The following RIT2 variants were observed in gnomAD, a reference collection of about 807,000 sequenced individuals.
The protein encoded by RIT2 is GTP-binding protein Rit2.
Under a neutral mutation model 23.7 loss-of-function variants are expected in RIT2, and 24 were observed. That is an observed-to-expected ratio of 1.01 (90% CI 0.73 to 1.43). The LOEUF (loss-of-function observed/expected upper bound fraction) is 1.43, where lower values mean the gene tolerates loss of function less well. RIT2 is among the 40% of genes most tolerant of loss of function. The pLI, the probability that RIT2 is intolerant of heterozygous loss-of-function variation, is 0.00. For synonymous variants in RIT2, 107 were observed against 91.1 expected, an observed-to-expected ratio of 1.17 and a Z score of -0.99; for missense variants, 236 against 266.9, an observed-to-expected ratio of 0.88 and a Z score of 0.81.
intron 4 of RIT2, among the ~76,000 whole-genome samples, chr18:42,848,540 A>T (rs1906968088): frequency 6.6e-6 from 1 of 152,194 alleles, no homozygotes; most frequent in Non-Finnish European, 1.5e-5. Flanking sequence ...TTGTATATGT[A>T]TTTATTCCAT....
intron 4 of RIT2, among the ~76,000 whole-genome samples, chr18:42,791,244 T>A (rs1406705394): frequency 6.6e-6 from 1 of 152,218 alleles, no homozygotes; most frequent in Non-Finnish European, 1.5e-5. Flanking sequence ...TTTTCAGCTG[T>A]CTACACCAAC....
intron 4 of RIT2, among the ~76,000 whole-genome samples, chr18:42,765,648 C>A (rs1489951188): frequency 1.3e-5 from 2 of 152,142 alleles, no homozygotes; most frequent in Non-Finnish European, 2.9e-5. Context: ...TGACCTCTAG[C>A]CTTAGACTAA....
intron 2 of RIT2, among the ~76,000 whole-genome samples, chr18:43,025,243 A>C (rs192989215): frequency 6.6e-6 from 1 of 151,902 alleles, no homozygotes; most frequent in African/African-American, 2.4e-5. Flanking sequence ...AAAACAAAAA[A>C]AAAAACAGGC....
chr18:43,026,630 A>AAGAAAGAAAGAC (rs1555652912), intron 2 of RIT2, among the ~76,000 whole-genome samples: 29 of 94,570 alleles, frequency 3.1e-4, no homozygotes, highest in African/African-American at 7.0e-4. Flanking sequence ...GAAAGAAAGA[A>AAGAAAGAAAGAC]AGAAAGAGAG....
At chr18:42,945,481 A>G (rs184189394) in intron 3 of RIT2, among the ~76,000 whole-genome samples, 21 of 152,308 alleles carry the variant, frequency 1.4e-4, no homozygotes, top group Admixed American at 4.6e-4. Flanking sequence ...TTAGAATATC[A>G]CAGGCTGAAC....
intron 4 of RIT2, among the ~76,000 whole-genome samples, chr18:42,745,366 A>G (rs1912893109): frequency 6.6e-6 from 1 of 152,338 alleles, no homozygotes; most frequent in East Asian, 1.9e-4. Flanking sequence ...TTAAACTGTT[A>G]CAACACATCA....
At chr18:42,980,610 G>A (rs1910577577) in intron 2 of RIT2, among the ~76,000 whole-genome samples, 1 of 152,090 alleles carries the variant, frequency 6.6e-6, no homozygotes, top group African/African-American at 2.4e-5. Flanking sequence ...GTGTTTGCAG[G>A]CAGATTCTCC....
intron 4 of RIT2, among the ~76,000 whole-genome samples, chr18:42,884,291 TC>T (rs1907966328): frequency 6.6e-6 from 1 of 152,210 alleles, no homozygotes; most frequent in African/African-American, 2.4e-5. Flanking sequence ...GGGTGGAGAC[TC>T]TCAAAGGAAA....
At chr18:42,943,814 C>T (rs572747499) in intron 3 of RIT2, among the ~76,000 whole-genome samples, 1 of 152,262 alleles carries the variant, frequency 6.6e-6, no homozygotes, top group South Asian at 2.1e-4. Flanking sequence ...ACTGTACTTA[C>T]TTTTGTCCTA....
At chr18:42,879,537 ATTTG>A (rs1907833808) in intron 4 of RIT2, among the ~76,000 whole-genome samples, 1 of 151,452 alleles carries the variant, frequency 6.6e-6, no homozygotes, top group East Asian at 1.9e-4. Flanking sequence ...TTTTTGTTTT[ATTTG>A]TTTTTGTTTT....
chr18:43,049,549 A>G (rs1912327873), intron 1 of RIT2, among the ~76,000 whole-genome samples: 1 of 152,174 alleles, frequency 6.6e-6, no homozygotes. Context: ...TAAAAATTAA[A>G]AAGGTAATTA....
chr18:42,813,858 C>T (rs1484071922), intron 4 of RIT2, among the ~76,000 whole-genome samples: 2 of 152,180 alleles, frequency 1.3e-5, no homozygotes, highest in Non-Finnish European at 2.9e-5. Flanking sequence ...AAGCAGATTG[C>T]TCCTGCAGGA....
rs1909997150 is a variant in RIT2 at position 42,957,416 on chromosome 18, T to C, written c.234+16658A>G. Among the ~76,000 whole-genome samples, 3 of 152,204 alleles carry C rather than the reference T, an allele frequency of 2.0e-5. No homozygotes were observed. In the South Asian group the frequency reaches 6.2e-4, roughly 31 times the overall value. The stretch of plus-strand genomic sequence containing the variant: ...TGGGAGGAGAGAGAGCTGAGACTCA[T>C]GGTTAACATATCATTTCAAATTACT... On this transcript the variant is annotated intron_variant, in intron 3 of 4. Transcript: ENST00000326695.
intron 2 of RIT2, among the ~76,000 whole-genome samples, chr18:43,000,399 C>A (rs1911076443): frequency 6.6e-6 from 1 of 151,968 alleles, no homozygotes; most frequent in Non-Finnish European, 1.5e-5. Context: ...CAATCAATTG[C>A]AATAGGACCA....
chr18:43,035,378 A>C (rs1911950315), intron 1 of RIT2, among the ~76,000 whole-genome samples: 1 of 152,172 alleles, frequency 6.6e-6, no homozygotes, highest in Non-Finnish European at 1.5e-5. Context: ...TGAAAGCAAC[A>C]TGTTTATTAA....
chr18:42,841,227 G>A (rs181549182), intron 4 of RIT2, among the ~76,000 whole-genome samples: 1 of 152,276 alleles, frequency 6.6e-6, no homozygotes, highest in Admixed American at 6.5e-5. Context: ...TATCAGATAA[G>A]CTAACAGATA....
At chr18:43,021,294 A>G (rs1420704658) in intron 2 of RIT2, among the ~76,000 whole-genome samples, 1 of 152,136 alleles carries the variant, frequency 6.6e-6, no homozygotes, top group Admixed American at 6.6e-5. Flanking sequence ...GCTCAATATA[A>G]TTAATCATCA....
At chr18:43,083,909 C>A (rs1194653328) in intron 1 of RIT2, among the ~76,000 whole-genome samples, 1 of 152,144 alleles carries the variant, frequency 6.6e-6, no homozygotes, top group African/African-American at 2.4e-5. Flanking sequence ...GAAAGGGCTT[C>A]TGCACAGCAA....
intron 4 of RIT2, among the ~76,000 whole-genome samples, chr18:42,824,428 G>A (rs1447488557): frequency 6.6e-6 from 1 of 152,014 alleles, no homozygotes; most frequent in Non-Finnish European, 1.5e-5. Context: ...GTCAATATAA[G>A]AGTGCAATAT....
Sources: gnomAD v4.1 joint callset for allele counts (sites outside exome capture counted in the v4.1 genomes callset) on GRCh38, gnomAD v4.1.1 for gene constraint, MANE v1.5 for transcripts, NCBI Gene and HGNC (gene_info 2026-07-23, HGNC 2026-07-21) for gene names.